Variants in C16orf87 observed in about 807,000 individuals in gnomAD.
The protein encoded by C16orf87 is UPF0547 protein C16orf87.
In C16orf87, 13 loss-of-function variants were observed where a neutral mutation model predicts 21.0. The ratio of observed to expected loss-of-function variants is 0.62; its 90% confidence interval spans 0.40 to 0.98. The LOEUF (loss-of-function observed/expected upper bound fraction) is 0.98. Among genes scored for constraint, C16orf87 ranks in the 50% least tolerant of loss-of-function variants. The pLI, the probability that C16orf87 is intolerant of heterozygous loss-of-function variation, is 0.00. For missense variants in C16orf87, 113 were observed against 180.4 expected, an observed-to-expected ratio of 0.63 and a Z score of 2.14; for synonymous variants, 49 against 60.2, an observed-to-expected ratio of 0.81 and a Z score of 0.86.
chr16:46,830,274 G>GATAGAGAGATAGAGAGAGACAGAC, intron 1 of C16orf87, among the ~76,000 whole-genome samples: 1 of 115,370 alleles, frequency 8.7e-6, no homozygotes, highest in Non-Finnish European at 1.9e-5. Context: ...CAGACAGAGA[G>GATAGAGAGATAGAGAGAGACAGAC]AGAGAGAGAG....
At chr16:46,811,329 C>T (rs1421844025) in intron 2 of C16orf87, among the ~76,000 whole-genome samples, 1 of 152,034 alleles carries the variant, frequency 6.6e-6, no homozygotes, top group African/African-American at 2.4e-5. Context: ...CATGGCAAAA[C>T]CCCGTCTCTA....
At chr16:46,813,784 A>C (rs1968166653) in intron 2 of C16orf87, among the ~76,000 whole-genome samples, 1 of 152,144 alleles carries the variant, frequency 6.6e-6, no homozygotes, top group South Asian at 2.1e-4. Flanking sequence ...TCAGATATCC[A>C]TATACAGGTC....
chr16:46,804,797 T>A (rs1967877607), intron 3 of C16orf87, among the ~76,000 whole-genome samples: 1 of 152,214 alleles, frequency 6.6e-6, no homozygotes, highest in Non-Finnish European at 1.5e-5. Flanking sequence ...ACTGTTCTGA[T>A]TTCTATTACC....
Position 46,803,031 on chromosome 16 carries a change from G to A in C16orf87, c.386C>T (p.Ser129Phe). 6.2e-7 allele frequency: 1 copy of A among 1,604,736 alleles called. No homozygotes were observed. The highest frequency in any genetic ancestry group is 8.5e-7 in the Non-Finnish European group (1 of 1,172,654). Residue 129 changes from serine (S) to phenylalanine (F), a missense_variant, in exon 4 of 4, where the codon TCT becomes TTT. Transcript: ENST00000285697. The part of the protein sequence containing the change: ...EKEIDIYANL[S>F]DEKAFVFSVA... Reference sequence around the variant, plus strand: ...TGAAAACACGAAAGCCTTTTCATCAGACAGGTTAGCATAGATGTCAATTTC... The same window carrying A: ...TGAAAACACGAAAGCCTTTTCATCAAACAGGTTAGCATAGATGTCAATTTC...
At chr16:46,829,446 G>C (rs936772688) in intron 1 of C16orf87, among the ~76,000 whole-genome samples, 2 of 152,044 alleles carry the variant, frequency 1.3e-5, no homozygotes, top group Non-Finnish European at 2.9e-5. Flanking sequence ...ATAAAAAGTG[G>C]CTATTTTTCC....
intron 1 of C16orf87, among the ~76,000 whole-genome samples, chr16:46,825,050 C>T (rs1959562126): frequency 6.6e-6 from 1 of 152,110 alleles, no homozygotes; most frequent in Non-Finnish European, 1.5e-5. Flanking sequence ...ATTAAATATG[C>T]ACTGATGTGA....
chr16:46,826,987 T>C (rs1959644738), intron 1 of C16orf87, among the ~76,000 whole-genome samples: 1 of 152,190 alleles, frequency 6.6e-6, no homozygotes, highest in Non-Finnish European at 1.5e-5. Context: ...TCAATCCATC[T>C]CCAGAATTAA....
chr16:46,828,547 G>A (rs758884226), intron 1 of C16orf87, among the ~76,000 whole-genome samples: 5 of 152,114 alleles, frequency 3.3e-5, no homozygotes, highest in Non-Finnish European at 5.9e-5. Context: ...GTTTTAGAAT[G>A]ATATGTTCAA....
chr16:46,808,563 A>G (rs187659523), intron 3 of C16orf87, among the ~76,000 whole-genome samples: 3 of 152,342 alleles, frequency 2.0e-5, no homozygotes, highest in East Asian at 3.9e-4. Flanking sequence ...TGAAGATGAA[A>G]TCATTTTGAC....
In C16orf87 at chr16:46,802,874, C is replaced by T. The variant is rs1041589373; in HGVS notation, c.*78G>A. 2 of 738,838 alleles carry T rather than the reference C, an allele frequency of 2.7e-6. No homozygotes were observed. Among genetic ancestry groups the T allele is most frequent in the Non-Finnish European group, 2.4e-6 (1 of 410,538 alleles). The allele number at this position is 738,838 out of a possible 1,614,324, so 45.8% of individuals were successfully genotyped here. A position where few individuals can be genotyped will look rare whatever the true frequency, so the allele number is the denominator to read the frequency against. On this transcript the variant is annotated 3_prime_UTR_variant, in exon 4 of 4. Coordinates refer to ENST00000285697, the MANE Select transcript of C16orf87 (RefSeq NM_001001436.4). Reference sequence around the variant, plus strand: ...GGCCCTTATTGATGCAGTCAGAATGCTCCTGAGAGTCCATAACTGTTTGAG... The same window carrying T: ...GGCCCTTATTGATGCAGTCAGAATGTTCCTGAGAGTCCATAACTGTTTGAG...
rs1433076747 is a variant in C16orf87 at position 46,802,824 on chromosome 16, G to A, written c.*128C>T. 9.4e-6 allele frequency: 6 copies of A among 637,096 alleles called. No individual in the cohort carries two copies. The highest frequency in any genetic ancestry group is 4.0e-5 in the South Asian group (2 of 50,524). 39.5% of individuals were successfully genotyped at this position (637,096 alleles called of 1,614,324 possible). The stretch of plus-strand genomic sequence containing the variant: ...TCCCGAAGTGTGGCACAGGCTAAAC[G>A]ACAGGCGAGAAAGAAACAATCGATG... On this transcript the variant is annotated 3_prime_UTR_variant, in exon 4 of 4. Coordinates refer to ENST00000285697, the MANE Select transcript of C16orf87 (RefSeq NM_001001436.4).
intron 1 of C16orf87, among the ~76,000 whole-genome samples, chr16:46,827,962 G>A (rs541557743): frequency 2.0e-4 from 30 of 147,174 alleles, no homozygotes; most frequent in African/African-American, 3.5e-4. Context: ...TTTTTGAGAC[G>A]GAGTCTCTGT....
chr16:46,809,296 A>G (rs1239481846), intron 3 of C16orf87, among the ~76,000 whole-genome samples: 1 of 152,074 alleles, frequency 6.6e-6, no homozygotes. Flanking sequence ...CAAAAAAAAA[A>G]AAAAGTACAA....
chr16:46,823,477 C>A, intron 2 of C16orf87, among the ~76,000 whole-genome samples: 1 of 152,262 alleles, frequency 6.6e-6, no homozygotes, highest in Middle Eastern at 3.4e-3. Flanking sequence ...ATAAATATGT[C>A]TATTGAATAA....
chr16:46,818,357 A>G lies in C16orf87; in HGVS notation c.163+6029T>C, dbSNP rs186963596. The stretch of plus-strand genomic sequence containing the variant: ...ACTAAAAGTGAACTTGTCACTTATG[A>G]ACGTCTTTGCTTATCAGCCTTAGCC... On this transcript the variant is annotated intron_variant, in intron 2 of 3. Coordinates refer to ENST00000285697, the MANE Select transcript of C16orf87 (RefSeq NM_001001436.4). Among the ~76,000 whole-genome samples the G allele has an allele frequency of 6.4e-3, 976 of 152,352 alleles. 12 individuals are homozygous for G. Among genetic ancestry groups the G allele is most frequent in the Non-Finnish European group, 8.3e-3 (565 of 68,036 alleles).
At chr16:46,829,437 T>C (rs1959760568) in intron 1 of C16orf87, among the ~76,000 whole-genome samples, 1 of 152,178 alleles carries the variant, frequency 6.6e-6, no homozygotes, top group Non-Finnish European at 1.5e-5. Context: ...AAAATAGCCA[T>C]AAAAAGTGGC....
intron 1 of C16orf87, among the ~76,000 whole-genome samples, chr16:46,829,528 T>G (rs1047387419): frequency 3.3e-5 from 5 of 152,208 alleles, no homozygotes; most frequent in Admixed American, 6.5e-5. Flanking sequence ...GAAATTGGAA[T>G]GCATAACGCA....
At chr16:46,829,052 C>T (rs1396999937) in intron 1 of C16orf87, among the ~76,000 whole-genome samples, 1 of 151,988 alleles carries the variant, frequency 6.6e-6, no homozygotes, top group African/African-American at 2.4e-5. Context: ...AAGCCTTAAC[C>T]GCAATGTGAT....
chr16:46,823,414 G>A (rs1959498954), intron 2 of C16orf87, among the ~76,000 whole-genome samples: 1 of 152,118 alleles, frequency 6.6e-6, no homozygotes, highest in Non-Finnish European at 1.5e-5. Flanking sequence ...ACCACCATAT[G>A]AAGGTCTGCT....
Sources: allele counts gnomAD v4.1 joint callset (sites outside exome capture counted in the v4.1 genomes callset), GRCh38; gene constraint gnomAD v4.1.1; transcripts MANE v1.5; gene names NCBI Gene and HGNC (gene_info 2026-07-23, HGNC 2026-07-21).